The following PDE1C variants were observed in gnomAD, a reference collection of about 807,000 sequenced individuals.
PDE1C encodes phosphodiesterase 1C, also known as dual specificity calcium/calmodulin-dependent 3',5'-cyclic nucleotide phosphodiesterase 1C.
PDE1C carries 62 observed loss-of-function variants against 93.1 expected under a neutral mutation model. That is an observed-to-expected ratio of 0.67 (90% CI 0.54 to 0.82). PDE1C has a LOEUF of 0.82. PDE1C is among the 40% of genes least tolerant of loss of function. PDE1C has a pLI of 0.00. For synonymous variants in PDE1C, 325 were observed against 310.1 expected (o/e 1.05, Z -0.50); for missense variants, 742 against 884.6 (o/e 0.84, Z 2.04).
chr7:31,844,080 GTGT>G (rs1792243858), intron 9 of PDE1C, among the ~76,000 whole-genome samples: 2 of 151,688 alleles, frequency 1.3e-5, no homozygotes, highest in South Asian at 4.1e-4. Flanking sequence ...TCATGAGATG[GTGT>G]TGTAATTTTT....
At chr7:32,381,090 T>C (rs576403153) in intron 1 of PDE1C, among the ~76,000 whole-genome samples, 91 of 152,126 alleles carry the variant, frequency 6.0e-4, no homozygotes, top group African/African-American at 2.1e-3. Context: ...ATTTATCCAC[T>C]TGCTGAGACC....
rs369062928 is a variant in PDE1C, at chr7:32,083,015, C to T, written c.308+86770G>A. On this transcript the variant is annotated intron_variant, in intron 3 of 18. Coordinates refer to the PDE1C transcript ENST00000396193. ...AAAGCTGGACGGAGAATGACTTTGACGAGTTGAGAGAAGAAGGCTTCAGAC... is the reference window on the plus strand; with the variant it reads ...AAAGCTGGACGGAGAATGACTTTGATGAGTTGAGAGAAGAAGGCTTCAGAC... Among the ~76,000 whole-genome samples the T allele has an allele frequency of 3.3e-5, 5 of 150,440 alleles. No homozygotes were observed. In the South Asian group the frequency reaches 1.1e-3, roughly 32 times the overall value.
At chr7:31,879,710 G>A (rs1184766030) in intron 3 of PDE1C, among the ~76,000 whole-genome samples, 9 of 152,158 alleles carry the variant, frequency 5.9e-5, no homozygotes, top group Admixed American at 5.9e-4. Flanking sequence ...AAATAATGCA[G>A]TTCTTTATTT....
At chr7:32,062,589 C>G (rs1303188316) in intron 1 of PDE1C, among the ~76,000 whole-genome samples, 1 of 152,224 alleles carries the variant, frequency 6.6e-6, no homozygotes, top group East Asian at 1.9e-4. Flanking sequence ...GAGAAGCCTT[C>G]TCTGAATCCC....
intron 1 of PDE1C, among the ~76,000 whole-genome samples, chr7:32,228,290 G>C: frequency 6.6e-6 from 1 of 152,224 alleles, no homozygotes; most frequent in East Asian, 1.9e-4. Context: ...ATAGGGGATT[G>C]TGTGCTCAAG....
chr7:31,945,263 C>A (rs192437028), intron 2 of PDE1C, among the ~76,000 whole-genome samples: 4 of 152,112 alleles, frequency 2.6e-5, no homozygotes, highest in East Asian at 3.9e-4. Flanking sequence ...TTAAAAAGTT[C>A]TTTTGAATCA....
At chr7:31,627,659 CAAAAAAAAAAA>C in the PDE1C span, among the ~76,000 whole-genome samples, 3 of 75,518 alleles carry the variant, frequency 4.0e-5, no homozygotes, top group Non-Finnish European at 7.1e-5. Context: ...GACACTGTCT[CAAAAAAAAAAA>C]AAAAAAAAAA....
intron 17 of PDE1C, among the ~76,000 whole-genome samples, chr7:31,762,249 G>A (rs981636173): frequency 1.3e-5 from 2 of 152,208 alleles, no homozygotes; most frequent in African/African-American, 2.4e-5. Flanking sequence ...TGCCATGTGC[G>A]TTAGATGTAG....
intron 1 of PDE1C, among the ~76,000 whole-genome samples, chr7:32,054,634 A>C (rs1250925815): frequency 6.6e-6 from 1 of 152,192 alleles, no homozygotes; most frequent in Non-Finnish European, 1.5e-5. Flanking sequence ...GGTAGACCCA[A>C]AGAAAGACAG....
At chr7:32,065,041 G>T (rs56112920) in intron 1 of PDE1C, among the ~76,000 whole-genome samples, 1 of 85,734 alleles carries the variant, frequency 1.2e-5, no homozygotes. Flanking sequence ...TACTTCTGAC[G>T]GAACGGCGGT....
intron 16 of PDE1C, among the ~76,000 whole-genome samples, chr7:31,794,015 GAT>G: frequency 8.2e-6 from 1 of 122,304 alleles, no homozygotes; most frequent in Admixed American, 8.0e-5. Context: ...TAGATAGATA[GAT>G]AGATAGATAG....
chr7:31,964,172 G>C (rs1809505349), intron 2 of PDE1C, among the ~76,000 whole-genome samples: 1 of 152,244 alleles, frequency 6.6e-6, no homozygotes, highest in Non-Finnish European at 1.5e-5. Context: ...ACCTCACCCG[G>C]GAAGTGCAAG....
At chr7:31,680,799 G>A in the PDE1C span, among the ~76,000 whole-genome samples, 1 of 152,062 alleles carries the variant, frequency 6.6e-6, no homozygotes, top group Non-Finnish European at 1.5e-5. Context: ...ACCTGGATAG[G>A]GCAAACCCTA....
chr7:32,017,372 T>C (rs763259711), intron 2 of PDE1C, among the ~76,000 whole-genome samples: 2 of 152,206 alleles, frequency 1.3e-5, no homozygotes, highest in Non-Finnish European at 2.9e-5. Context: ...GATCTAAATG[T>C]AAGAGTTAAA....
the PDE1C span, among the ~76,000 whole-genome samples, chr7:31,659,815 T>G: frequency 6.6e-6 from 1 of 152,190 alleles, no homozygotes; most frequent in Non-Finnish European, 1.5e-5. Flanking sequence ...CAACTCTATT[T>G]TATTCACCTT....
chr7:31,930,403 A>T (rs1422184758), intron 2 of PDE1C, among the ~76,000 whole-genome samples: 2 of 152,200 alleles, frequency 1.3e-5, no homozygotes, highest in African/African-American at 2.4e-5. Context: ...TCCCTAACTC[A>T]TTTTATAAGG....
At chr7:32,297,073 A>G (rs924514811) in intron 1 of PDE1C, among the ~76,000 whole-genome samples, 1 of 152,144 alleles carries the variant, frequency 6.6e-6, no homozygotes, top group African/African-American at 2.4e-5. Context: ...TCTAAAGCAT[A>G]GACAAGATTT....
chr7:31,705,060 C>A, the PDE1C span, among the ~76,000 whole-genome samples: 1 of 152,106 alleles, frequency 6.6e-6, no homozygotes, highest in South Asian at 2.1e-4. Context: ...AAAATTAATT[C>A]TTAACTGTAT....
intron 2 of PDE1C, among the ~76,000 whole-genome samples, chr7:32,002,785 G>T (rs1445323262): frequency 6.6e-6 from 1 of 151,890 alleles, no homozygotes; most frequent in African/African-American, 2.4e-5. Context: ...CTTTGAACTG[G>T]GTATTTCCTG....
Sources: gnomAD v4.1 joint callset for allele counts (sites outside exome capture counted in the v4.1 genomes callset) on GRCh38, gnomAD v4.1.1 for gene constraint, MANE v1.5 for transcripts, NCBI Gene and HGNC (gene_info 2026-07-23, HGNC 2026-07-21) for gene names.